Variants in TRIM66 observed in about 807,000 individuals in gnomAD.
TRIM66 encodes the protein tripartite motif containing 66.
TRIM66 carries 99 observed loss-of-function variants against 148.2 expected under a neutral mutation model. The observed-to-expected ratio is 0.67, with a 90% confidence interval of 0.57 to 0.79. The LOEUF is 0.79. Ranked by LOEUF, TRIM66 falls within the 30% of genes least tolerant of loss-of-function variation. The pLI, the probability that TRIM66 is intolerant of heterozygous loss-of-function variation, is 0.00. For missense variants in TRIM66, 1,666 were observed against 1,697.9 expected (o/e 0.98, Z 0.33); for synonymous variants, 616 against 635.9 (o/e 0.97, Z 0.47).
chr11:8,634,869 C>T (rs1388135741), intron 15 of TRIM66, among the ~76,000 whole-genome samples: 2 of 151,968 alleles, frequency 1.3e-5, no homozygotes, highest in South Asian at 2.1e-4. Context: ...CAGAAAGGTG[C>T]GTGGTGCCAC....
At chr11:8,670,025 T>A (rs1020684987) in intron 6 of TRIM66, among the ~76,000 whole-genome samples, 1 of 150,794 alleles carries the variant, frequency 6.6e-6, no homozygotes, top group African/African-American at 2.4e-5. Flanking sequence ...TTATTTTTTT[T>A]TTTTTGAGAC....
rs1697628920 is a variant in TRIM66 at position 8,651,903 on chromosome 11, T to C, written c.341A>G (p.Glu114Gly). ...TTCACACCCAGGACAGGAGATGAGC[T>C]CTGTGCAAGAAAGAAAGATAGCAGA... The part of the protein sequence containing the change: ...IAKAHETVAD[E>G]LISCPGCERV... The change falls in exon 7 of 25, where the codon GAG becomes GGG. Residue 114 changes from glutamate (E) to glycine (G), a missense_variant and splice_region_variant. Physicochemically the swap from Glu to Gly is moderately conservative, Grantham distance 98. This residue lies in a region of TRIM66 where 1,431 missense variants were observed against 1,412.4 expected (regional missense o/e 1.01). Coordinates refer to ENST00000646038, the MANE Select transcript of TRIM66 (RefSeq NM_001388022.1). 4 of 1,550,444 alleles carry C rather than the reference T, an allele frequency of 2.6e-6. No individual in the cohort carries two copies. The Middle Eastern group carries it at 5.0e-4, about 194-fold the overall frequency.
chr11:8,638,746 C>T lies in TRIM66; in HGVS notation c.2218G>A (p.Ala740Thr). ...ALPLDKNTAA[A>T]LPQASGEETP... Reference sequence around the variant, plus strand: ...TCTTCCCCAGACGCCTGGGGCAAGGCAGCAGCAGTATTCTTGTCAAGAGGG... The same window carrying T: ...TCTTCCCCAGACGCCTGGGGCAAGGTAGCAGCAGTATTCTTGTCAAGAGGG... Residue 740 changes from alanine (A) to threonine (T), a missense_variant, in exon 15 of 25, where the codon GCC (alanine) becomes ACC (threonine). Coordinates refer to ENST00000646038, the MANE Select transcript of TRIM66 (RefSeq NM_001388022.1). 6.4e-7 allele frequency: 1 copy of T among 1,551,026 alleles called. No homozygotes were observed. Among genetic ancestry groups the T allele is most frequent in the Non-Finnish European group, 8.7e-7 (1 of 1,146,724 alleles).
chr11:8,638,863 A>C, intron 14 of TRIM66, 48 bp from the exon 15 acceptor site: 2 of 1,505,946 alleles, frequency 1.3e-6, no homozygotes, highest in Non-Finnish European at 1.8e-6. Flanking sequence ...CAGACAGCGT[A>C]GCAGCAGCAG....
chr11:8,681,460 T>A (rs1276444168), intron 1 of TRIM66, among the ~76,000 whole-genome samples: 1 of 152,120 alleles, frequency 6.6e-6, no homozygotes. Context: ...AGCTAAAATA[T>A]ATTTTAGCTG....
chr11:8,632,757 G>T (rs1359271387), intron 15 of TRIM66, among the ~76,000 whole-genome samples: 2 of 152,094 alleles, frequency 1.3e-5, no homozygotes, highest in Non-Finnish European at 2.9e-5. Flanking sequence ...ACTGTGCCTG[G>T]CCCTCACATG....
chr11:8,626,155 A>T (rs2034825137), intron 15 of TRIM66, among the ~76,000 whole-genome samples: 1 of 152,226 alleles, frequency 6.6e-6, no homozygotes, highest in South Asian at 2.1e-4. Flanking sequence ...GAAGAGACAG[A>T]TTTAGGGAAA....
rs1473760133 is a variant in TRIM66 at position 8,643,015 on chromosome 11, A to C, written c.1216T>G (p.Ser406Ala). The change falls in exon 13 of 25, where the codon TCT becomes GCT. Residue 406 changes from serine to alanine, a missense_variant. Transcript: ENST00000646038. Reference sequence around the variant, plus strand: ...TGGGTGGGTCCAAGCTCACCAAGAGAAGCTAGCTGCTTGGTCCAGAAGTTA... The same window carrying C: ...TGGGTGGGTCCAAGCTCACCAAGAGCAGCTAGCTGCTTGGTCCAGAAGTTA... ...EPNFWTKQLA[S>A]LGCITTEGGQ... 1.9e-6 allele frequency: 3 copies of C among 1,549,910 alleles called. No homozygotes were observed. In the African/African-American group the frequency reaches 4.1e-5, roughly 21 times the overall value.
At chr11:8,628,636 A>AAGAG (rs55732506) in intron 15 of TRIM66, among the ~76,000 whole-genome samples, 36 of 93,398 alleles carry the variant, frequency 3.9e-4, no homozygotes, top group African/African-American at 1.1e-3. Flanking sequence ...AAAAAAAAAA[A>AAGAG]AGAGAGAGAA....
chr11:8,664,955 G>A (rs888115054), intron 6 of TRIM66, among the ~76,000 whole-genome samples: 9 of 152,066 alleles, frequency 5.9e-5, no homozygotes, highest in African/African-American at 1.9e-4. Context: ...GCAACTGCTC[G>A]GCTCTGCCCA....
rs78527725 is a variant in TRIM66, at chr11:8,675,185, C to G, written c.-189-302G>C. Among the ~76,000 whole-genome samples, 1,364 of 152,314 alleles carry G rather than the reference C, an allele frequency of 9.0e-3. 21 individuals are homozygous for G. The highest frequency in any genetic ancestry group is 0.031 in the African/African-American group (1,279 of 41,554). On this transcript the variant is annotated intron_variant, in intron 3 of 24. Coordinates refer to ENST00000646038, the MANE Select transcript of TRIM66 (RefSeq NM_001388022.1). ...TTACACAATAACAAAAAATCACATT[C>G]TTTAGAATCACCTCGAATCTCATCA...
intron 6 of TRIM66, 143 bp downstream of exon 6, chr11:8,671,643 T>C (rs1055930865): frequency 3.3e-6 from 2 of 604,164 alleles, no homozygotes; most frequent in East Asian, 2.8e-5. Flanking sequence ...GTCTCACAGA[T>C]TCCCCCAAAG....
chr11:8,629,350 G>A (rs2035173896), intron 15 of TRIM66, among the ~76,000 whole-genome samples: 1 of 152,126 alleles, frequency 6.6e-6, no homozygotes, highest in Non-Finnish European at 1.5e-5. Flanking sequence ...GTTTAGTGTG[G>A]TTTTGGCGCT....
At position 8,648,451 on chromosome 11, in the gene TRIM66, G is replaced by A. The variant is rs2037059798; in HGVS notation, c.690C>T (p.Cys230=). ...TGTGTTCCACCACTAGGCAGCTATGGCAAGTGAGCATATCACATGTCTCAC... is the reference window on the plus strand; with the variant it reads ...TGTGTTCCACCACTAGGCAGCTATGACAAGTGAGCATATCACATGTCTCAC... ...LFCETCDMLT[C]HSCLVVEHKE... is the part of the protein sequence containing the mutation. The change falls in exon 9 of 25, where the codon TGC becomes TGT. Residue 230 remains cysteine, a synonymous_variant. Coordinates refer to ENST00000646038, the MANE Select transcript of TRIM66 (RefSeq NM_001388022.1). The A allele has an allele frequency of 1.3e-6, 2 of 1,551,592 alleles. No individual in the cohort carries two copies.
In TRIM66 at chr11:8,638,665, C is replaced by T. The variant is rs189901694; in HGVS notation, c.2299G>A (p.Val767Met). ...GGCTCCTTCAGTACCTTTCTCACCA[C>T]ATTTGGAGAGGAGTGCTGGATGGTG... ...DSTIQHSSPN[V>M]VRKHSTSLSI... Residue 767 changes from valine (V) to methionine (M), a missense_variant, in exon 15 of 25, where the codon GTG becomes ATG. Physicochemically the swap from Val to Met is conservative, Grantham distance 21 (BLOSUM62 1). Transcript: ENST00000646038. 1.3e-6 allele frequency: 2 copies of T among 1,548,576 alleles called. No individual in the cohort carries two copies. The highest frequency in any genetic ancestry group is 4.9e-5 in the East Asian group (2 of 40,762).
At chr11:8,649,298 C>T (rs934198043) in intron 8 of TRIM66, among the ~76,000 whole-genome samples, 1 of 152,036 alleles carries the variant, frequency 6.6e-6, no homozygotes, top group Non-Finnish European at 1.5e-5. Context: ...GAGATCATGC[C>T]ACCGCACCCC....
intron 10 of TRIM66, among the ~76,000 whole-genome samples, chr11:8,647,561 T>C (rs2036975450): frequency 6.6e-6 from 1 of 152,232 alleles, no homozygotes; most frequent in Non-Finnish European, 1.5e-5. Flanking sequence ...AATGATTTCA[T>C]GTGACTTGTA....
chr11:8,652,919 T>C (rs1465561166), intron 6 of TRIM66, among the ~76,000 whole-genome samples: 1 of 152,224 alleles, frequency 6.6e-6, no homozygotes, highest in African/African-American at 2.4e-5. Context: ...GCCAATGACC[T>C]TGGGCAAAAC....
chr11:8,621,695 A>C lies in TRIM66; in HGVS notation c.3205T>G (p.Phe1069Val), dbSNP rs766483850. 38 of 1,550,876 alleles carry C rather than the reference A, an allele frequency of 2.5e-5. No homozygotes were observed. Among genetic ancestry groups the C allele is most frequent in the Non-Finnish European group, 3.3e-5 (38 of 1,146,738 alleles). ...GTGCCACACTCGATGATCAGCAGGA[A>C]GCTCCCATCCTGATCATTCTTCTGT... ...KPQKNDQDGS[F>V]LLIIECGTES... Residue 1069 changes from phenylalanine to valine, a missense_variant, in exon 19 of 25, where the codon TTC becomes GTC. By Grantham distance (50) the Phe-to-Val change is conservative. Around this residue, in one of 3 missense-constraint regions of TRIM66, gnomAD observed 1,431 missense variants for 1,412.4 expected, o/e 1.01. Transcript: ENST00000646038.
Sources: gnomAD v4.1 joint callset for allele counts (sites outside exome capture counted in the v4.1 genomes callset) on GRCh38, gnomAD v4.1.1 for gene constraint, gnomAD v4.1.1 regional missense constraint, MANE v1.5 for transcripts, NCBI Gene and HGNC (gene_info 2026-07-23, HGNC 2026-07-21) for gene names.